Variants in DCC observed in about 807,000 individuals in gnomAD.
The protein encoded by DCC is netrin receptor DCC.
A neutral mutation model predicts 172.5 loss-of-function variants in DCC; 58 were observed. The ratio of observed to expected loss-of-function variants is 0.34; its 90% CI spans 0.27 to 0.42. DCC has a LOEUF of 0.42. Ranked by LOEUF, DCC falls within the 10% of genes least tolerant of loss-of-function variation. DCC has a pLI of 1.00. For synonymous variants in DCC, 709 were observed against 644.5 expected, an observed-to-expected ratio of 1.10 and a Z score of -1.52; for missense variants, 1,740 against 1,791.0, an observed-to-expected ratio of 0.97 and a Z score of 0.51.
At chr18:52,508,239 A>C (rs2031305852) in intron 1 of DCC, among the ~76,000 whole-genome samples, 1 of 152,158 alleles carries the variant, frequency 6.6e-6, no homozygotes, top group South Asian at 2.1e-4. Context: ...TCACCTACTA[A>C]CAGTTTGTGC....
chr18:52,604,402 G>A (rs949935941), intron 1 of DCC, among the ~76,000 whole-genome samples: 4 of 152,112 alleles, frequency 2.6e-5, no homozygotes, highest in African/African-American at 9.7e-5. Context: ...TTAAACAATA[G>A]GTGGCTATTT....
At chr18:53,261,630 C>A (rs1292881544) in intron 12 of DCC, among the ~76,000 whole-genome samples, 4 of 152,114 alleles carry the variant, frequency 2.6e-5, no homozygotes, top group Non-Finnish European at 5.9e-5. Context: ...CCTGCCTCAG[C>A]CTCTCCGAGT....
At chr18:52,947,168 T>C (rs2040561120) in intron 5 of DCC, among the ~76,000 whole-genome samples, 1 of 152,188 alleles carries the variant, frequency 6.6e-6, no homozygotes, top group African/African-American at 2.4e-5. Flanking sequence ...GGGAGTTTTA[T>C]TAATATATAA....
intron 5 of DCC, among the ~76,000 whole-genome samples, chr18:53,025,559 T>C (rs563771107): frequency 1.3e-5 from 2 of 152,256 alleles, no homozygotes; most frequent in South Asian, 4.1e-4. Context: ...AGTAGTTTAA[T>C]GCCAATCCTT....
At chr18:52,456,789 C>G (rs771947662) in intron 1 of DCC, among the ~76,000 whole-genome samples, 5 of 152,056 alleles carry the variant, frequency 3.3e-5, no homozygotes, top group Non-Finnish European at 7.4e-5. Context: ...TGTAGCTAAG[C>G]CACTTCAGAA....
intron 2 of DCC, among the ~76,000 whole-genome samples, chr18:52,838,790 T>C (rs561536759): frequency 6.6e-6 from 1 of 152,168 alleles, no homozygotes; most frequent in African/African-American, 2.4e-5. Flanking sequence ...CAACAGTGAA[T>C]TTCATAGGAG....
intron 22 of DCC, among the ~76,000 whole-genome samples, chr18:53,441,842 G>A (rs1380842667): frequency 2.0e-5 from 3 of 152,258 alleles, no homozygotes; most frequent in South Asian, 2.1e-4. Context: ...GCTGAAACCC[G>A]TTAGAGGGTC....
chr18:53,450,480 AT>A lies in DCC; in HGVS notation c.3230-16del. On this transcript the variant is annotated intron_variant, in intron 22 of 28. Coordinates refer to ENST00000442544, the MANE Select transcript of DCC (RefSeq NM_005215.4). The stretch of plus-strand genomic sequence containing the variant: ...CCACATCTTCCTAAACCTGAACTCC[AT>A]TTTCCTGTCTTTTCCCAGAGCCGCC... The A allele has an allele frequency of 6.2e-7, 1 of 1,613,256 alleles. No homozygotes were observed. The highest frequency in any genetic ancestry group is 8.5e-7 in the Non-Finnish European group (1 of 1,179,782).
intron 5 of DCC, among the ~76,000 whole-genome samples, chr18:52,953,808 C>A (rs1238504342): frequency 2.0e-5 from 3 of 152,172 alleles, no homozygotes; most frequent in African/African-American, 7.2e-5. Context: ...ATTACAGTGT[C>A]TGCACGAGTC....
Position 52,893,591 on chromosome 18 carries a change from T to G in DCC, c.413-12453T>G, listed in dbSNP as rs187010312. ...ATCCTTGTTAGGGTTTTGTAATGTT[T>G]CCTTCAGAAAATATGCTGGATGTGA... On this transcript the variant is annotated intron_variant, in intron 2 of 28. Transcript: ENST00000442544. 3.7e-4 allele frequency among the ~76,000 whole-genome samples: 56 copies of G among 152,316 alleles called. No individual in the cohort carries two copies. In the East Asian group the frequency reaches 8.7e-3, roughly 24 times the overall value.
intron 1 of DCC, among the ~76,000 whole-genome samples, chr18:52,435,306 T>C (rs1270561499): frequency 6.6e-6 from 1 of 151,994 alleles, no homozygotes; most frequent in African/African-American, 2.4e-5. Flanking sequence ...TGTGCACGTG[T>C]GTGTGTGCTA....
chr18:53,217,262 TACACACACACACACACACACAC>T (rs36226906), intron 12 of DCC, among the ~76,000 whole-genome samples: 30 of 133,292 alleles, frequency 2.3e-4, no homozygotes, highest in Admixed American at 8.7e-4. Flanking sequence ...ATATATATTA[TACACACACACACACACACACAC>T]ACACACACAC....
intron 5 of DCC, among the ~76,000 whole-genome samples, chr18:53,032,095 C>A (rs2143963711): frequency 6.6e-6 from 1 of 152,132 alleles, no homozygotes; most frequent in East Asian, 1.9e-4. Context: ...GTACAGAAGA[C>A]AATGTCATCA....
intron 2 of DCC, among the ~76,000 whole-genome samples, chr18:52,823,706 C>A (rs2038453210): frequency 6.6e-6 from 1 of 152,166 alleles, no homozygotes; most frequent in African/African-American, 2.4e-5. Flanking sequence ...TCTGATTATA[C>A]TTCATGACTA....
chr18:52,694,591 ACTT>A (rs140090166), intron 1 of DCC, among the ~76,000 whole-genome samples: 8,259 of 151,994 alleles, frequency 0.054, 350 homozygotes, highest in African/African-American at 0.12. Flanking sequence ...TTTTACATAT[ACTT>A]CTTTTTACAT....
chr18:52,837,564 T>C (rs34305227), intron 2 of DCC, among the ~76,000 whole-genome samples: 66,442 of 151,876 alleles, frequency 0.44, 14,724 homozygotes, highest in South Asian at 0.55. Context: ...CCATCTGAGA[T>C]CACCTCAGCT....
At chr18:52,917,111 C>T (rs369169392) in intron 3 of DCC, among the ~76,000 whole-genome samples, 2 of 104,324 alleles carry the variant, frequency 1.9e-5, no homozygotes, top group Non-Finnish European at 3.8e-5. Flanking sequence ...GGTGAAACCC[C>T]GTCTCAAAAA....
intron 2 of DCC, among the ~76,000 whole-genome samples, chr18:52,845,889 GA>G (rs2038879317): frequency 6.6e-6 from 1 of 151,978 alleles, no homozygotes; most frequent in Non-Finnish European, 1.5e-5. Flanking sequence ...TGATCTGGGG[GA>G]AAGTCCCTCC....
At chr18:53,481,865 T>C (rs2045835486) in intron 25 of DCC, among the ~76,000 whole-genome samples, 1 of 152,214 alleles carries the variant, frequency 6.6e-6, no homozygotes, top group East Asian at 1.9e-4. Context: ...AGGGAATTTC[T>C]ACTTGAAAAA....
Sources: allele counts gnomAD v4.1 joint callset (sites outside exome capture counted in the v4.1 genomes callset), GRCh38; gene constraint gnomAD v4.1.1; transcripts MANE v1.5; gene names NCBI Gene and HGNC (gene_info 2026-07-23, HGNC 2026-07-21).